Variants in CPAMD8 observed in about 807,000 individuals in gnomAD.
CPAMD8 encodes the protein C3 and PZP like alpha-2-macroglobulin domain containing 8, also known as C3 and PZP-like alpha-2-macroglobulin domain-containing protein 8.
Under a neutral mutation model 224.7 loss-of-function variants are expected in CPAMD8, and 146 were observed. That is an observed-to-expected ratio of 0.65 (90% CI 0.57 to 0.75). The LOEUF is 0.75. Among genes scored for constraint, CPAMD8 ranks in the 30% least tolerant of loss-of-function variants. The probability of loss-of-function intolerance (pLI) is 0.00; values close to 1 mark genes in which losing one functional copy is unlikely to be tolerated. For synonymous variants in CPAMD8, 966 were observed against 1,044.6 expected, an observed-to-expected ratio of 0.92 and a Z score of 1.45; for missense variants, 2,301 against 2,537.5, an observed-to-expected ratio of 0.91 and a Z score of 2.00.
intron 11 of CPAMD8, among the ~76,000 whole-genome samples, chr19:16,996,246 G>A (rs989743348): frequency 6.6e-6 from 1 of 152,194 alleles, no homozygotes; most frequent in Non-Finnish European, 1.5e-5. Flanking sequence ...GCTGAGGCAG[G>A]CGGATTGCTT....
intron 23 of CPAMD8, among the ~76,000 whole-genome samples, chr19:16,931,146 G>A (rs116033743): frequency 6.6e-6 from 1 of 152,188 alleles, no homozygotes; most frequent in Admixed American, 6.5e-5. Flanking sequence ...CCAGTAGCAA[G>A]GCTGAACCCG....
intron 27 of CPAMD8, among the ~76,000 whole-genome samples, chr19:16,915,217 C>G (rs562683036): frequency 2.6e-5 from 4 of 152,262 alleles, no homozygotes; most frequent in African/African-American, 9.6e-5. Flanking sequence ...GGGCCAGCAG[C>G]CATGTGCCCT....
At chr19:16,906,386 C>CT (rs60183368) in intron 30 of CPAMD8, among the ~76,000 whole-genome samples, 1 of 75,480 alleles carries the variant, frequency 1.3e-5, no homozygotes, top group Non-Finnish European at 3.0e-5. Flanking sequence ...TTCTTTCTTT[C>CT]TTTCTTTCTT....
intron 30 of CPAMD8, among the ~76,000 whole-genome samples, chr19:16,906,670 C>A (rs1186114064): frequency 6.6e-6 from 1 of 151,932 alleles, no homozygotes; most frequent in Non-Finnish European, 1.5e-5. Flanking sequence ...GAATTACAGG[C>A]GTGAGCCACC....
chr19:16,961,738 G>A (rs530486737), intron 18 of CPAMD8, among the ~76,000 whole-genome samples: 2 of 152,332 alleles, frequency 1.3e-5, no homozygotes, highest in East Asian at 1.9e-4. Flanking sequence ...CCCCCATGTA[G>A]CCTAACTGGG....
intron 25 of CPAMD8, among the ~76,000 whole-genome samples, chr19:16,927,078 C>T (rs1447216198): frequency 6.6e-6 from 1 of 152,090 alleles, no homozygotes; most frequent in Non-Finnish European, 1.5e-5. Context: ...AACTCCTAGC[C>T]CTGGATCAAT....
chr19:16,959,595 C>G (rs1373477126), intron 18 of CPAMD8, among the ~76,000 whole-genome samples: 4 of 151,210 alleles, frequency 2.6e-5, no homozygotes, highest in Non-Finnish European at 2.9e-5. Flanking sequence ...GACTGGAGTG[C>G]AATGGCACAA....
chr19:16,955,169 C>T (rs1277355493), intron 19 of CPAMD8, among the ~76,000 whole-genome samples: 1 of 151,752 alleles, frequency 6.6e-6, no homozygotes, highest in Non-Finnish European at 1.5e-5. Flanking sequence ...GTGGCGCATG[C>T]CTATAGTCCC....
intron 5 of CPAMD8, chr19:17,009,584 C>T: frequency 2.9e-6 from 1 of 341,268 alleles, no homozygotes; most frequent in Non-Finnish European, 5.5e-6. Context: ...ACCACCCTGG[C>T]TAACACCGTG....
chr19:17,003,902 C>CTTTTAT (rs2123061715), intron 8 of CPAMD8, among the ~76,000 whole-genome samples: 2 of 150,904 alleles, frequency 1.3e-5, no homozygotes, highest in East Asian at 3.9e-4. Context: ...CACCAGTTTC[C>CTTTTAT]TTTTCTTTTT....
At position 16,997,244 on chromosome 19, in the gene CPAMD8, A is replaced by G; in HGVS notation, c.962T>C (p.Met321Thr). 1 of 1,550,540 alleles carries G rather than the reference A, an allele frequency of 6.4e-7. No individual in the cohort carries two copies. The highest frequency in any genetic ancestry group is 8.9e-7 in the Non-Finnish European group (1 of 1,123,734). Residue 321 changes from methionine (M) to threonine (T), a missense_variant, in exon 11 of 42, where the codon ATG becomes ACG. By Grantham distance (81) the Met-to-Thr change is moderately conservative. Coordinates refer to ENST00000443236, the MANE Select transcript of CPAMD8 (RefSeq NM_015692.5). ...HFRGRVSIWA[M>T]VTSVDGSQQV... ...CTGGCTCCCGTCCACACTGGTCACCATGGCCCAGATGCTGACCCTGCCCCG... is the reference window on the plus strand; with the variant it reads ...CTGGCTCCCGTCCACACTGGTCACCGTGGCCCAGATGCTGACCCTGCCCCG...
rs1157151356 is a variant in CPAMD8 at position 16,977,396 on chromosome 19, A to G, written c.1730T>C (p.Phe577Ser). ...NGEGVADSLQ[F>S]AVETFFENQV... ...GTTTTCGAAGAAGGTCTCGACTGCA[A>G]ACTGAAGGCTGTCGGCGACCCCTTC... The change falls in exon 15 of 42, where the codon TTT (phenylalanine) becomes TCT (serine). Residue 577 changes from phenylalanine to serine, a missense_variant. This residue lies in a region of CPAMD8 where 301 missense variants were observed against 406.6 expected (regional missense o/e 0.74). Coordinates refer to ENST00000443236, the MANE Select transcript of CPAMD8 (RefSeq NM_015692.5). 1 of 1,612,530 alleles carries G rather than the reference A, an allele frequency of 6.2e-7. No individual in the cohort carries two copies. The highest frequency in any genetic ancestry group is 8.5e-7 in the Non-Finnish European group (1 of 1,179,388).
At chr19:17,009,096 C>CAAA in intron 6 of CPAMD8, 4 of 589,440 alleles carry the variant, frequency 6.8e-6, no homozygotes, top group Non-Finnish European at 1.1e-5. Context: ...GACTCCATTT[C>CAAA]AAAAAAAAAA....
intron 18 of CPAMD8, among the ~76,000 whole-genome samples, chr19:16,958,413 G>C (rs4808540): frequency 0.19 from 28,264 of 152,020 alleles, 2,905 homozygotes; most frequent in Admixed American, 0.25. Context: ...AGGATAATGG[G>C]CTCCAGCTCC....
intron 11 of CPAMD8, 120 bp from the exon 12 acceptor site, chr19:16,993,706 C>A (rs2056035406): frequency 2.2e-6 from 2 of 923,486 alleles, no homozygotes; most frequent in East Asian, 5.2e-5. Context: ...AATTGACAAA[C>A]TGCTCCTGAA....
chr19:16,907,882 C>T (rs899689467), intron 29 of CPAMD8, among the ~76,000 whole-genome samples: 1 of 152,124 alleles, frequency 6.6e-6, no homozygotes, highest in Non-Finnish European at 1.5e-5. Flanking sequence ...GCTGGGATTA[C>T]AGGAGTGAGC....
chr19:16,905,890 G>T (rs1209140594), intron 30 of CPAMD8, among the ~76,000 whole-genome samples: 1 of 152,126 alleles, frequency 6.6e-6, no homozygotes, highest in African/African-American at 2.4e-5. Context: ...TCCCAGTGGG[G>T]TGATGATTTT....
At chr19:16,977,264 C>G in intron 15 of CPAMD8, 104 bp downstream of exon 15, 1 of 716,846 alleles carries the variant, frequency 1.4e-6, no homozygotes, top group South Asian at 1.7e-5. Flanking sequence ...CATCATGCTG[C>G]GACACAACAT....
At chr19:17,001,792 G>C (rs576174847) in intron 9 of CPAMD8, among the ~76,000 whole-genome samples, 1 of 151,780 alleles carries the variant, frequency 6.6e-6, no homozygotes, top group Admixed American at 6.6e-5. Context: ...GAGATGGAAG[G>C]GGAGGGCAGA....
Sources: gnomAD v4.1 joint callset for allele counts (sites outside exome capture counted in the v4.1 genomes callset) on GRCh38, gnomAD v4.1.1 for gene constraint, gnomAD v4.1.1 regional missense constraint, MANE v1.5 for transcripts, NCBI Gene and HGNC (gene_info 2026-07-23, HGNC 2026-07-21) for gene names.